SPOCK1: variants seen among roughly 807,000 people sequenced by gnomAD.
SPOCK1 encodes the protein testican-1.
SPOCK1 carries 23 observed loss-of-function variants against 55.3 expected under a neutral mutation model. The observed-to-expected ratio is 0.42, with a 90% CI of 0.30 to 0.59. SPOCK1 has a LOEUF of 0.59. Ranked by LOEUF, SPOCK1 falls within the 20% of genes least tolerant of loss-of-function variation. The probability of loss-of-function intolerance (pLI) is 0.22; values close to 1 mark genes in which losing one functional copy is unlikely to be tolerated. For synonymous variants in SPOCK1, 226 were observed against 221.0 expected (o/e 1.02, Z -0.20); for missense variants, 499 against 552.5 (o/e 0.90, Z 0.97).
intron 6 of SPOCK1, among the ~76,000 whole-genome samples, chr5:136,995,769 A>G (rs1751028651): frequency 6.6e-6 from 1 of 152,202 alleles, no homozygotes; most frequent in Non-Finnish European, 1.5e-5. Context: ...AGGCTCCCCA[A>G]AGTACACAAG....
intron 3 of SPOCK1, among the ~76,000 whole-genome samples, chr5:137,206,198 A>G (rs922633094): frequency 6.6e-6 from 1 of 152,258 alleles, no homozygotes; most frequent in African/African-American, 2.4e-5. Flanking sequence ...CAAGAAGCCA[A>G]TAATAACCCC....
At chr5:137,414,434 A>G (rs1034241053) in intron 2 of SPOCK1, among the ~76,000 whole-genome samples, 1 of 152,220 alleles carries the variant, frequency 6.6e-6, no homozygotes, top group African/African-American at 2.4e-5. Flanking sequence ...GGGTAAATTC[A>G]CTTATTCAGT....
At chr5:137,178,322 G>T (rs1005971768) in intron 3 of SPOCK1, among the ~76,000 whole-genome samples, 5 of 152,250 alleles carry the variant, frequency 3.3e-5, no homozygotes, top group African/African-American at 1.2e-4. Context: ...ACAAGGGATA[G>T]AATTTCCCAA....
At position 137,072,975 on chromosome 5, in the gene SPOCK1, A is replaced by G. The variant is rs2127008926; in HGVS notation, c.475-5146T>C. On this transcript the variant is annotated intron_variant, in intron 5 of 10. Coordinates refer to ENST00000394945, the MANE Select transcript of SPOCK1 (RefSeq NM_004598.4). Reference sequence around the variant, plus strand: ...TGAGCGGCTGCTGACTGCACCAGTCAGATGCCAACATGCTGTTCCTGGCTG... The same window carrying G: ...TGAGCGGCTGCTGACTGCACCAGTCGGATGCCAACATGCTGTTCCTGGCTG... 2.6e-5 allele frequency among the ~76,000 whole-genome samples: 4 copies of G among 152,360 alleles called. 1 individual carries two copies. In the South Asian group the frequency reaches 8.3e-4, roughly 32 times the overall value.
intron 2 of SPOCK1, among the ~76,000 whole-genome samples, chr5:137,436,978 C>T (rs1418181249): frequency 6.6e-6 from 1 of 152,074 alleles, no homozygotes; most frequent in African/African-American, 2.4e-5. Context: ...CCAACATTTC[C>T]GGAATGAATG....
chr5:137,214,082 T>C (rs1329957575), intron 3 of SPOCK1, among the ~76,000 whole-genome samples: 1 of 152,184 alleles, frequency 6.6e-6, no homozygotes, highest in Non-Finnish European at 1.5e-5. Flanking sequence ...TAGCCCAGGG[T>C]CGAACACATA....
At chr5:137,417,064 T>C (rs1752349851) in intron 2 of SPOCK1, among the ~76,000 whole-genome samples, 2 of 152,146 alleles carry the variant, frequency 1.3e-5, no homozygotes, top group Non-Finnish European at 2.9e-5. Flanking sequence ...CATATATAGA[T>C]ATATGTGTAC....
chr5:136,979,299 C>A lies in SPOCK1; in HGVS notation c.1129+33G>T. Reference sequence around the variant, plus strand: ...GTGAGGAACCACAGGCCACCCAGGTCATTGTGGGGCTCATGCAGGAGGCCT... The same window carrying A: ...GTGAGGAACCACAGGCCACCCAGGTAATTGTGGGGCTCATGCAGGAGGCCT... On this transcript the variant is annotated intron_variant, in intron 10 of 10. Transcript: ENST00000394945. 1.9e-6 allele frequency: 3 copies of A among 1,613,058 alleles called. No homozygotes were observed. In the South Asian group the frequency reaches 3.3e-5, roughly 18 times the overall value.
intron 3 of SPOCK1, among the ~76,000 whole-genome samples, chr5:137,260,861 G>A (rs1756731712): frequency 6.6e-6 from 1 of 152,192 alleles, no homozygotes; most frequent in South Asian, 2.1e-4. Context: ...AGATGGCAGT[G>A]GGAACAGGCT....
chr5:137,056,560 C>G (rs1009069905), intron 6 of SPOCK1, among the ~76,000 whole-genome samples: 2 of 151,752 alleles, frequency 1.3e-5, no homozygotes, highest in African/African-American at 4.8e-5. Flanking sequence ...AGGGGTAGTT[C>G]CATAGGATTA....
chr5:137,186,256 T>C (rs905451406), intron 3 of SPOCK1, among the ~76,000 whole-genome samples: 1 of 152,228 alleles, frequency 6.6e-6, no homozygotes, highest in Non-Finnish European at 1.5e-5. Flanking sequence ...ATTGAGATAA[T>C]GTACATGATC....
Position 136,978,322 on chromosome 5 carries a change from G to T in SPOCK1, c.*332C>A. ...AAAAGGGTCTTTGACATTTAAGAGG[G>T]TTGGGGCTCCCTGCACTGTCAGAAT... On this transcript the variant is annotated 3_prime_UTR_variant, in exon 11 of 11. Transcript: ENST00000394945. 2 of 331,716 alleles carry T rather than the reference G, an allele frequency of 6.0e-6. No individual in the cohort carries two copies. Among genetic ancestry groups the T allele is most frequent in the East Asian group, 9.9e-5 (2 of 20,238 alleles). 20.5% of individuals were successfully genotyped at this position (331,716 alleles called of 1,614,324 possible). A position where few individuals can be genotyped will look rare whatever the true frequency, so the allele number is the denominator to read the frequency against.
chr5:137,005,005 G>A (rs937689178), intron 6 of SPOCK1, among the ~76,000 whole-genome samples: 4 of 152,204 alleles, frequency 2.6e-5, no homozygotes, highest in Admixed American at 6.5e-5. Flanking sequence ...ATCTCAGAGA[G>A]CATCTACAAA....
chr5:137,427,502 G>T (rs555042350), intron 2 of SPOCK1, among the ~76,000 whole-genome samples: 7 of 152,184 alleles, frequency 4.6e-5, no homozygotes, highest in Admixed American at 1.3e-4. Context: ...TCACAAAGGT[G>T]CATCCAGAAT....
chr5:137,431,040 G>A (rs1437681056), intron 2 of SPOCK1, among the ~76,000 whole-genome samples: 1 of 152,196 alleles, frequency 6.6e-6, no homozygotes, highest in African/African-American at 2.4e-5. Context: ...CATCCTAGGT[G>A]TAATGTTTGG....
chr5:137,231,093 G>C (rs1474300308), intron 3 of SPOCK1, among the ~76,000 whole-genome samples: 2 of 151,762 alleles, frequency 1.3e-5, no homozygotes, highest in Non-Finnish European at 2.9e-5. Flanking sequence ...CCCCAGGCTG[G>C]AGTATAATGG....
intron 6 of SPOCK1, among the ~76,000 whole-genome samples, chr5:137,012,371 T>G (rs1050566492): frequency 1.3e-5 from 2 of 152,172 alleles, no homozygotes; most frequent in Non-Finnish European, 2.9e-5. Context: ...ACTTTGGGCA[T>G]GCAGAGGTTA....
intron 6 of SPOCK1, among the ~76,000 whole-genome samples, chr5:137,052,785 T>C (rs1326244272): frequency 1.3e-5 from 2 of 152,206 alleles, no homozygotes; most frequent in Non-Finnish European, 2.9e-5. Flanking sequence ...AATAGTATTT[T>C]ATTATATTCA....
At chr5:137,208,615 C>T (rs571790868) in intron 3 of SPOCK1, among the ~76,000 whole-genome samples, 3 of 152,096 alleles carry the variant, frequency 2.0e-5, no homozygotes, top group Non-Finnish European at 2.9e-5. Flanking sequence ...AAGAGAAAAC[C>T]AAATACTGCA....
Sources: gnomAD v4.1 joint callset for allele counts (sites outside exome capture counted in the v4.1 genomes callset) on GRCh38, gnomAD v4.1.1 for gene constraint, MANE v1.5 for transcripts, NCBI Gene and HGNC (gene_info 2026-07-23, HGNC 2026-07-21) for gene names.